PI4KA: variants seen among roughly 807,000 people sequenced by gnomAD.
The protein encoded by PI4KA is PI4-kinase alpha.
A neutral mutation model predicts 271.4 loss-of-function variants in PI4KA; 122 were observed. That is an observed-to-expected ratio of 0.45 (90% CI 0.39 to 0.52). The LOEUF (loss-of-function observed/expected upper bound fraction) is 0.52, where lower values mean the gene tolerates loss of function less well. PI4KA is among the 20% of genes least tolerant of loss of function. The pLI, the probability that PI4KA is intolerant of heterozygous loss-of-function variation, is 0.00. For synonymous variants in PI4KA, 1,041 were observed against 1,078.8 expected (o/e 0.96, Z 0.69); for missense variants, 1,969 against 2,769.1 (o/e 0.71, Z 6.48).
intron 1 of PI4KA, among the ~76,000 whole-genome samples, chr22:20,847,889 T>C (rs1926465761): frequency 6.6e-6 from 1 of 151,720 alleles, no homozygotes; most frequent in African/African-American, 2.4e-5. Context: ...AAAGAAAACC[T>C]AAATAAATGG....
intron 3 of PI4KA, among the ~76,000 whole-genome samples, chr22:20,824,732 T>TCACACACACACACACA (rs361914): frequency 2.2e-5 from 3 of 136,220 alleles, no homozygotes; most frequent in African/African-American, 8.2e-5. Context: ...ATGTGATAAA[T>TCACACACACACACACA]CACACACACA....
At chr22:20,763,771 CAA>C (rs1932242354) in intron 22 of PI4KA, among the ~76,000 whole-genome samples, 1 of 152,176 alleles carries the variant, frequency 6.6e-6, no homozygotes, top group East Asian at 1.9e-4. Flanking sequence ...GAAAAAAGAA[CAA>C]AGTCAACACT....
At chr22:20,779,287 T>A in intron 19 of PI4KA, 1 of 1,613,864 alleles carries the variant, frequency 6.2e-7, no homozygotes, top group Non-Finnish European at 8.5e-7. Flanking sequence ...TGTTCTGTTT[T>A]CCCTCCCAGC....
At chr22:20,809,234 C>G (rs1346999676) in intron 9 of PI4KA, among the ~76,000 whole-genome samples, 1 of 152,206 alleles carries the variant, frequency 6.6e-6, no homozygotes, top group African/African-American at 2.4e-5. Flanking sequence ...AGCTCCATCA[C>G]TCACGAGCTA....
At chr22:20,764,428 C>T (rs1347661596) in intron 22 of PI4KA, among the ~76,000 whole-genome samples, 1 of 152,200 alleles carries the variant, frequency 6.6e-6, no homozygotes, top group Non-Finnish European at 1.5e-5. Context: ...CACCCCATGT[C>T]GCATTTGCTG....
In PI4KA at chr22:20,814,262, C is replaced by T. The variant is rs146222626; in HGVS notation, c.857-756G>A. ...CTGTCACTAAAAGACAAATACTGTA[C>T]GATCCCACTTATTAGAGGAACTTAA... On this transcript the variant is annotated intron_variant, in intron 7 of 54. Coordinates refer to ENST00000255882, the MANE Select transcript of PI4KA (RefSeq NM_058004.4). Among the ~76,000 whole-genome samples, 14 of 152,116 alleles carry T rather than the reference C, an allele frequency of 9.2e-5. 1 individual carries two copies. The highest frequency in any genetic ancestry group is 1.9e-4 in the East Asian group (1 of 5,180).
Position 20,798,625 on chromosome 22 carries a change from A to G in PI4KA, c.2067T>C (p.Val689=). The G allele has an allele frequency of 6.2e-7, 1 of 1,613,846 alleles. No homozygotes were observed. The highest frequency in any genetic ancestry group is 8.5e-7 in the Non-Finnish European group (1 of 1,179,696). Residue 689 remains valine, a synonymous_variant, in exon 17 of 55, where the codon GTT becomes GTC. Transcript: ENST00000255882. ...FQQISVKASS[V]VYSATKDYKD... ...TGTAATCTTTGGTGGCTGAGTATAC[A>G]ACGGAGCTGGCCTTCACACTGATCT...
At chr22:20,829,843 TGTTGTATCTTCATTCTCATTAATTTCAA>T (rs1923922485) in intron 3 of PI4KA, among the ~76,000 whole-genome samples, 1 of 152,224 alleles carries the variant, frequency 6.6e-6, no homozygotes, top group South Asian at 2.1e-4. Flanking sequence ...GATTCTGGTA[TGTTGTATCTTCATTCTCATTAATTTCAA>T]ATAATTTCTT....
intron 19 of PI4KA, among the ~76,000 whole-genome samples, chr22:20,771,195 C>T (rs551537137): frequency 9.9e-5 from 15 of 151,970 alleles, no homozygotes; most frequent in African/African-American, 3.4e-4. Flanking sequence ...GAGGCCGATG[C>T]GGGCGGATCA....
intron 43 of PI4KA, among the ~76,000 whole-genome samples, chr22:20,719,886 C>A (rs945474175): frequency 6.6e-6 from 1 of 151,850 alleles, no homozygotes; most frequent in African/African-American, 2.4e-5. Context: ...AATTAGCAGG[C>A]GTGGTGGCAG....
chr22:20,848,995 T>A (rs1926625985), intron 1 of PI4KA, among the ~76,000 whole-genome samples: 1 of 152,180 alleles, frequency 6.6e-6, no homozygotes. Flanking sequence ...AAAAAAATAC[T>A]ACAATTTAAA....
chr22:20,771,589 A>ATTTC (rs1932877280), intron 19 of PI4KA, among the ~76,000 whole-genome samples: 1 of 151,312 alleles, frequency 6.6e-6, no homozygotes, highest in African/African-American at 2.4e-5. Flanking sequence ...TTATTTATTT[A>ATTTC]TTTATTTATT....
intron 19 of PI4KA, chr22:20,787,262 C>T (rs968290994): frequency 1.6e-6 from 1 of 621,276 alleles, no homozygotes; most frequent in South Asian, 1.9e-5. Context: ...ATAGCCCATG[C>T]TGTAAGCTCA....
In PI4KA at chr22:20,733,695, C is replaced by G. The variant is rs199505085; in HGVS notation, c.4160+41G>C. On this transcript the variant is annotated intron_variant, in intron 35 of 54. Transcript: ENST00000255882. ...GGCGATGGAGCACTTGGAGGGGCTG[C>G]GCCGTCCCTGGACGCTGCACAGCAC... The G allele has an allele frequency of 2.1e-4, 332 of 1,613,570 alleles. 2 individuals carry two copies. The highest frequency in any genetic ancestry group is 1.9e-3 in the African/African-American group (146 of 75,006).
chr22:20,802,363 A>G (rs1367830594), intron 13 of PI4KA, among the ~76,000 whole-genome samples: 1 of 152,202 alleles, frequency 6.6e-6, no homozygotes. Flanking sequence ...AACTGTTCAA[A>G]AGTACTGATG....
At chr22:20,822,634 G>C (rs1922861430) in intron 4 of PI4KA, among the ~76,000 whole-genome samples, 1 of 152,188 alleles carries the variant, frequency 6.6e-6, no homozygotes, top group African/African-American at 2.4e-5. Flanking sequence ...CTTTGGGACA[G>C]TCCTTCAGGC....
chr22:20,772,854 C>T (rs2014861733), intron 19 of PI4KA, among the ~76,000 whole-genome samples: 1 of 152,218 alleles, frequency 6.6e-6, no homozygotes. Flanking sequence ...CTTTGCAAGG[C>T]TGAAGCAGGA....
chr22:20,793,333 A>G, intron 18 of PI4KA, 90 bp from the exon 19 acceptor site: 1 of 743,632 alleles, frequency 1.3e-6, no homozygotes, highest in East Asian at 2.6e-5. Flanking sequence ...TGTTATGTAA[A>G]CCTGGAATGT....
chr22:20,780,094 A>G, intron 19 of PI4KA: 1 of 1,614,160 alleles, frequency 6.2e-7, no homozygotes, highest in Non-Finnish European at 8.5e-7. Flanking sequence ...TTCATATCAA[A>G]AACCAACAAC....
Sources: allele counts gnomAD v4.1 joint callset (sites outside exome capture counted in the v4.1 genomes callset), GRCh38; gene constraint gnomAD v4.1.1; transcripts MANE v1.5; gene names NCBI Gene and HGNC (gene_info 2026-07-23, HGNC 2026-07-21).